Variants in MARCHF1 observed in about 807,000 individuals in gnomAD.
MARCHF1 encodes the protein E3 ubiquitin-protein ligase MARCHF1.
A neutral mutation model predicts 54.2 loss-of-function variants in MARCHF1; 40 were observed. The observed-to-expected ratio is 0.74, with a 90% CI of 0.57 to 0.96. The LOEUF is 0.96. Among genes scored for constraint, MARCHF1 ranks in the 40% least tolerant of loss-of-function variants. The probability of loss-of-function intolerance (pLI) is 0.00; values close to 1 mark genes in which losing one functional copy is unlikely to be tolerated. For missense variants in MARCHF1, 586 were observed against 656.5 expected, an observed-to-expected ratio of 0.89 and a Z score of 1.17; for synonymous variants, 236 against 236.3, an observed-to-expected ratio of 1.00 and a Z score of 0.01.
chr4:163,823,491 G>A (rs1748757443), intron 4 of MARCHF1, among the ~76,000 whole-genome samples: 1 of 151,766 alleles, frequency 6.6e-6, no homozygotes. Context: ...CAGAAGGTAT[G>A]TATTAGAATA....
chr4:164,186,875 T>C (rs923216962), intron 1 of MARCHF1, among the ~76,000 whole-genome samples: 3 of 152,178 alleles, frequency 2.0e-5, no homozygotes, highest in Admixed American at 6.5e-5. Context: ...TAGAGAGGAA[T>C]GTAACCAAAG....
At chr4:163,750,529 TAA>T (rs1746492302) in intron 4 of MARCHF1, among the ~76,000 whole-genome samples, 1 of 149,808 alleles carries the variant, frequency 6.7e-6, no homozygotes, top group African/African-American at 2.4e-5. Flanking sequence ...AATAAATAAA[TAA>T]ATAAATAAAT....
chr4:163,564,470 T>C (rs1739578694), intron 8 of MARCHF1, among the ~76,000 whole-genome samples: 1 of 152,210 alleles, frequency 6.6e-6, no homozygotes, highest in South Asian at 2.1e-4. Context: ...TTAAGACCCA[T>C]ACAGAAACTT....
chr4:164,072,054 A>G (rs1754878469), intron 2 of MARCHF1, among the ~76,000 whole-genome samples: 1 of 152,200 alleles, frequency 6.6e-6, no homozygotes. Context: ...AAGAAGTAAT[A>G]AAAGCACTTG....
At chr4:163,889,745 C>T (rs1750613031) in intron 3 of MARCHF1, among the ~76,000 whole-genome samples, 10 of 151,950 alleles carry the variant, frequency 6.6e-5, no homozygotes, top group Admixed American at 5.2e-4. Flanking sequence ...AAGCCATTTA[C>T]TCCTTAGCTG....
intron 3 of MARCHF1, among the ~76,000 whole-genome samples, chr4:163,960,073 C>G (rs534849420): frequency 1.3e-5 from 2 of 152,060 alleles, no homozygotes; most frequent in East Asian, 3.9e-4. Context: ...TATCACTGAT[C>G]GTTAGAGAAA....
At position 163,634,881 on chromosome 4, in the gene MARCHF1, G is replaced by A. The variant is rs1295922056; in HGVS notation, c.163-21488C>T. On this transcript the variant is annotated intron_variant, in intron 5 of 9. Coordinates refer to ENST00000514618, the MANE Select transcript of MARCHF1 (RefSeq NM_001394959.1). ...TCCTCAGCAAATGTAAAAGAACAGA[G>A]ATTATAACAAACTATCTCTCAGACC... 5.3e-3 allele frequency among the ~76,000 whole-genome samples: 709 copies of A among 134,144 alleles called. 2 individuals are homozygous for A. The highest frequency in any genetic ancestry group is 0.02 in the African/African-American group (653 of 32,608). The allele number at this position is 134,144 out of a possible 152,430, so 88.0% of individuals were successfully genotyped here. A position where few individuals can be genotyped will look rare whatever the true frequency, so the allele number is the denominator to read the frequency against.
Position 163,672,514 on chromosome 4 carries a change from A to G in MARCHF1, c.162+28299T>C, listed in dbSNP as rs141566955. Among the ~76,000 whole-genome samples the G allele has an allele frequency of 5.1e-4, 78 of 152,300 alleles. 1 individual carries two copies. The East Asian group carries it at 0.015, about 29-fold the overall frequency. On this transcript the variant is annotated intron_variant, in intron 5 of 9. Coordinates refer to ENST00000514618, the MANE Select transcript of MARCHF1 (RefSeq NM_001394959.1). ...TTATAAGACTCTTTTTTACTTAATA[A>G]AATAGTATAGCTGCCTTATATGGTA...
At chr4:164,296,339 G>A (rs1041154411) in intron 1 of MARCHF1, among the ~76,000 whole-genome samples, 1 of 152,108 alleles carries the variant, frequency 6.6e-6, no homozygotes, top group Non-Finnish European at 1.5e-5. Context: ...GACAATCAAA[G>A]AAGTTTTAAC....
chr4:164,128,271 A>G (rs770554960), intron 1 of MARCHF1, among the ~76,000 whole-genome samples: 9 of 152,134 alleles, frequency 5.9e-5, no homozygotes, highest in Non-Finnish European at 1.0e-4. Flanking sequence ...CAGTAGCAAT[A>G]AAAGAAAATG....
chr4:164,079,953 TC>T (rs769525408), intron 2 of MARCHF1, among the ~76,000 whole-genome samples: 9 of 152,158 alleles, frequency 5.9e-5, no homozygotes, highest in Non-Finnish European at 1.0e-4. Flanking sequence ...AAACCATACC[TC>T]ACTATTCATG....
Position 163,898,454 on chromosome 4 carries a change from G to A in MARCHF1, c.-38-44285C>T, listed in dbSNP as rs150704426. ...AAAATGCTCAACATCAATATACATCGGAGAAATGAAAATTAAAACCACAAC... is the reference window on the plus strand; with the variant it reads ...AAAATGCTCAACATCAATATACATCAGAGAAATGAAAATTAAAACCACAAC... On this transcript the variant is annotated intron_variant, in intron 3 of 9. Coordinates refer to ENST00000514618, the MANE Select transcript of MARCHF1 (RefSeq NM_001394959.1). Among the ~76,000 whole-genome samples the A allele has an allele frequency of 1.4e-3, 214 of 152,086 alleles. 1 individual carries two copies. The East Asian group carries it at 0.016, about 11-fold the overall frequency.
At chr4:164,141,974 C>T (rs868553591) in intron 1 of MARCHF1, among the ~76,000 whole-genome samples, 11 of 122,660 alleles carry the variant, frequency 9.0e-5, no homozygotes, top group Non-Finnish European at 1.4e-4. Context: ...GCACCGTGAG[C>T]GAGCCAAAGT....
chr4:164,366,709 G>T (rs79678114), intron 1 of MARCHF1, among the ~76,000 whole-genome samples: 2,311 of 151,294 alleles, frequency 0.015, 85 homozygotes, highest in East Asian at 0.13. Flanking sequence ...TTTATTTATT[G>T]TATATGCATT....
intron 1 of MARCHF1, among the ~76,000 whole-genome samples, chr4:164,363,122 A>C (rs1215663258): frequency 6.6e-6 from 1 of 152,110 alleles, no homozygotes; most frequent in Non-Finnish European, 1.5e-5. Context: ...TAAACACGGC[A>C]GACTTTTATA....
intron 4 of MARCHF1, among the ~76,000 whole-genome samples, chr4:163,791,616 C>T (rs546366716): frequency 7.9e-5 from 12 of 152,248 alleles, no homozygotes; most frequent in Admixed American, 3.3e-4. Flanking sequence ...AAGAAACTAC[C>T]GGCCCTTTGT....
intron 3 of MARCHF1, among the ~76,000 whole-genome samples, chr4:163,903,447 G>A (rs1349990464): frequency 2.6e-5 from 4 of 152,150 alleles, no homozygotes; most frequent in Non-Finnish European, 5.9e-5. Context: ...ATTTTCTGTT[G>A]TAGCTGAAAA....
intron 2 of MARCHF1, among the ~76,000 whole-genome samples, chr4:164,035,487 T>C (rs1753972524): frequency 6.6e-6 from 1 of 151,700 alleles, no homozygotes; most frequent in South Asian, 2.1e-4. Context: ...AAAAACTACA[T>C]AACTTTTCAT....
intron 5 of MARCHF1, among the ~76,000 whole-genome samples, chr4:163,683,245 C>T (rs755421737): frequency 2.0e-4 from 30 of 152,196 alleles, no homozygotes; most frequent in Non-Finnish European, 3.4e-4. Flanking sequence ...ACAATCATGG[C>T]GGAAGGTAAA....
Sources: gnomAD v4.1 joint callset for allele counts (sites outside exome capture counted in the v4.1 genomes callset) on GRCh38, gnomAD v4.1.1 for gene constraint, MANE v1.5 for transcripts, NCBI Gene and HGNC (gene_info 2026-07-23, HGNC 2026-07-21) for gene names.